SLC14A2: variants seen among roughly 807,000 people sequenced by gnomAD.
SLC14A2 encodes urea transporter 2.
In SLC14A2, 91 loss-of-function variants were observed where a neutral mutation model predicts 104.6. That is an observed-to-expected ratio of 0.87 (90% confidence interval 0.73 to 1.04). The LOEUF is 1.04. SLC14A2 is among the 50% of genes least tolerant of loss of function. The pLI is 0.00. For missense variants in SLC14A2, 1,189 were observed against 1,156.0 expected, an observed-to-expected ratio of 1.03 and a Z score of -0.41; for synonymous variants, 476 against 466.4, an observed-to-expected ratio of 1.02 and a Z score of -0.27.
chr18:45,393,638 G>A (rs2085996328), intron 1 of SLC14A2, among the ~76,000 whole-genome samples: 1 of 152,202 alleles, frequency 6.6e-6, no homozygotes, highest in South Asian at 2.1e-4. Context: ...GCAAGCACTA[G>A]GAGTGGACCC....
At chr18:45,526,004 TA>T (rs2043589945) in intron 2 of SLC14A2, among the ~76,000 whole-genome samples, 1 of 152,226 alleles carries the variant, frequency 6.6e-6, no homozygotes, top group African/African-American at 2.4e-5. Context: ...CAAGAAAATT[TA>T]AAAGTGCTAA....
intron 1 of SLC14A2, among the ~76,000 whole-genome samples, chr18:45,412,829 C>G (rs1391045183): frequency 6.6e-6 from 1 of 152,082 alleles, no homozygotes; most frequent in Non-Finnish European, 1.5e-5. Context: ...GGCAGGTGGT[C>G]TAAGTAAGTG....
intron 10 of SLC14A2, among the ~76,000 whole-genome samples, chr18:45,654,138 G>GGT (rs751595047): frequency 5.5e-4 from 7 of 12,644 alleles, no homozygotes; most frequent in Non-Finnish European, 2.6e-3. Flanking sequence ...CAGGAATGCT[G>GGT]GGGGGGACGT....
chr18:45,351,816 C>G (rs893927129), intron 1 of SLC14A2, among the ~76,000 whole-genome samples: 1 of 152,112 alleles, frequency 6.6e-6, no homozygotes, highest in Non-Finnish European at 1.5e-5. Context: ...CAAATCACAT[C>G]ACAGAGTTTT....
At chr18:45,466,901 C>T (rs1388153042) in intron 1 of SLC14A2, among the ~76,000 whole-genome samples, 1 of 152,044 alleles carries the variant, frequency 6.6e-6, no homozygotes, top group African/African-American at 2.4e-5. Context: ...GACAGATGGG[C>T]ACATCTGTTA....
At chr18:45,609,410 C>T (rs939222276) in intron 2 of SLC14A2, among the ~76,000 whole-genome samples, 5 of 152,324 alleles carry the variant, frequency 3.3e-5, no homozygotes, top group Non-Finnish European at 4.4e-5. Flanking sequence ...TCCCTTTCCA[C>T]TCCAGGTGAG....
chr18:45,267,452 T>C (rs1259160226), intron 1 of SLC14A2, among the ~76,000 whole-genome samples: 1 of 152,132 alleles, frequency 6.6e-6, no homozygotes, highest in African/African-American at 2.4e-5. Flanking sequence ...CCTTTTAGAC[T>C]CATGGCATCC....
intron 1 of SLC14A2, among the ~76,000 whole-genome samples, chr18:45,438,718 A>G (rs1416759909): frequency 6.6e-6 from 1 of 152,222 alleles, no homozygotes; most frequent in Non-Finnish European, 1.5e-5. Context: ...ATCTAGCAAG[A>G]AAGTTGAAAT....
At chr18:45,437,988 C>T (rs1393917210) in intron 1 of SLC14A2, among the ~76,000 whole-genome samples, 1 of 152,154 alleles carries the variant, frequency 6.6e-6, no homozygotes, top group East Asian at 1.9e-4. Flanking sequence ...GCCCTTCTAT[C>T]TACAGTCATA....
upstream of SLC14A2, among the ~76,000 whole-genome samples, chr18:45,612,186 G>C (rs1478472051): frequency 2.0e-5 from 3 of 152,224 alleles, no homozygotes; most frequent in African/African-American, 7.2e-5. Flanking sequence ...CATTTAAGGT[G>C]TTTACTCAGA....
intron 16 of SLC14A2, among the ~76,000 whole-genome samples, chr18:45,670,503 C>T (rs965605469): frequency 2.6e-5 from 4 of 152,186 alleles, no homozygotes; most frequent in African/African-American, 9.7e-5. Context: ...CATCTGACCA[C>T]AAAATCACTT....
At chr18:45,363,412 G>A (rs2085634733) in intron 1 of SLC14A2, among the ~76,000 whole-genome samples, 1 of 152,136 alleles carries the variant, frequency 6.6e-6, no homozygotes, top group African/African-American at 2.4e-5. Context: ...TGTGAAAGGA[G>A]GGAGATCAGC....
chr18:45,405,376 C>T (rs868126861), intron 1 of SLC14A2, among the ~76,000 whole-genome samples: 3 of 152,092 alleles, frequency 2.0e-5, no homozygotes, highest in Admixed American at 6.5e-5. Context: ...CAGGAGTCTC[C>T]GTGTGCTTAG....
chr18:45,170,776 G>T, the SLC14A2 span, among the ~76,000 whole-genome samples: 1 of 152,150 alleles, frequency 6.6e-6, no homozygotes, highest in Admixed American at 6.6e-5. Flanking sequence ...ATGTGACATG[G>T]TTATATTGTC....
At chr18:45,439,002 G>A (rs114455830) in intron 1 of SLC14A2, among the ~76,000 whole-genome samples, 322 of 152,258 alleles carry the variant, frequency 2.1e-3, no homozygotes, top group African/African-American at 7.4e-3. Flanking sequence ...AACCCAGACA[G>A]GCTAGACATG....
At chr18:45,540,704 C>A (rs2043872007) in intron 2 of SLC14A2, among the ~76,000 whole-genome samples, 1 of 152,046 alleles carries the variant, frequency 6.6e-6, no homozygotes, top group African/African-American at 2.4e-5. Context: ...GAGATCACGC[C>A]ACTGAACTCC....
chr18:45,613,523 A>G (rs2144459536), upstream of SLC14A2, among the ~76,000 whole-genome samples: 1 of 152,350 alleles, frequency 6.6e-6, no homozygotes, highest in South Asian at 2.1e-4. Flanking sequence ...GACTTGCTGA[A>G]TGATTTTGAC....
intron 2 of SLC14A2, among the ~76,000 whole-genome samples, chr18:45,551,908 A>C (rs934722854): frequency 2.0e-5 from 3 of 152,226 alleles, no homozygotes; most frequent in African/African-American, 7.2e-5. Context: ...ACTGATCCTC[A>C]GCTGATATTG....
intron 1 of SLC14A2, among the ~76,000 whole-genome samples, chr18:45,396,630 T>G (rs755741262): frequency 6.9e-6 from 1 of 144,408 alleles, no homozygotes; most frequent in Non-Finnish European, 1.5e-5. Flanking sequence ...TTTTTTTGTT[T>G]TTGTTTTTTT....
Sources: allele counts gnomAD v4.1 joint callset (sites outside exome capture counted in the v4.1 genomes callset), GRCh38; gene constraint gnomAD v4.1.1; transcripts MANE v1.5; gene names NCBI Gene and HGNC (gene_info 2026-07-23, HGNC 2026-07-21).